Variants in FGF13 observed in about 807,000 individuals in gnomAD.
The protein encoded by FGF13 is fibroblast growth factor 13, also known as fibroblast growth factor homologous factor 2.
Under a neutral mutation model 19.5 loss-of-function variants are expected in FGF13, and 2 were observed. The observed-to-expected ratio is 0.10, with a 90% CI of 0.04 to 0.32. The LOEUF is 0.32. Among genes scored for constraint, FGF13 ranks in the 10% least tolerant of loss-of-function variants. The pLI is 1.00. For missense variants in FGF13, 113 were observed against 192.7 expected (o/e 0.59, Z 2.45); for synonymous variants, 72 against 76.9 (o/e 0.94, Z 0.33).
intron 1 of FGF13, among the ~76,000 whole-genome samples, chrX:139,024,775 T>G (rs749349891): frequency 2.7e-5 from 3 of 111,771 alleles, no homozygotes; most frequent in Non-Finnish European, 1.9e-5. Context: ...CTCCTGCCAT[T>G]GCAGGATCAG....
intron 1 of FGF13, among the ~76,000 whole-genome samples, chrX:139,107,667 T>C (rs774563932): frequency 1.8e-5 from 2 of 110,560 alleles, no homozygotes; most frequent in African/African-American, 6.6e-5. Flanking sequence ...CCCTCTTGGA[T>C]TATGAGACTA....
chrX:138,973,321 T>C (rs1458443122), intron 1 of FGF13, among the ~76,000 whole-genome samples: 2 of 112,391 alleles, frequency 1.8e-5, no homozygotes, highest in Non-Finnish European at 3.8e-5. Context: ...CTTCTCCTGT[T>C]ATTGATTTCT....
At chrX:138,633,351 G>A (rs2089142986) in intron 4 of FGF13, among the ~76,000 whole-genome samples, 1 of 111,382 alleles carries the variant, frequency 9.0e-6, no homozygotes, top group Admixed American at 9.5e-5. Context: ...ACTCAGTAGA[G>A]AGTGGACAGG....
At chrX:139,066,682 A>G (rs1307159013) in intron 1 of FGF13, among the ~76,000 whole-genome samples, 1 of 111,426 alleles carries the variant, frequency 9.0e-6, no homozygotes, top group Admixed American at 9.6e-5. Context: ...TTCACAGCCG[A>G]ATTCTACCAG....
At chrX:138,945,988 G>T (rs2091780064) in intron 1 of FGF13, among the ~76,000 whole-genome samples, 1 of 111,441 alleles carries the variant, frequency 9.0e-6, no homozygotes, top group African/African-American at 3.3e-5. Context: ...AAAAGTCAAT[G>T]TACTGAATTT....
At chrX:138,745,585 C>T (rs754285263) in intron 3 of FGF13, among the ~76,000 whole-genome samples, 12 of 112,170 alleles carry the variant, frequency 1.1e-4, no homozygotes, top group Middle Eastern at 4.6e-3. Context: ...TAGCATCTCG[C>T]GACAATAGGG....
intron 3 of FGF13, among the ~76,000 whole-genome samples, chrX:138,643,584 G>A (rs2089273071): frequency 8.9e-6 from 1 of 111,862 alleles, no homozygotes; most frequent in Admixed American, 9.5e-5. Context: ...GATTGTTTAG[G>A]CAATCCAATT....
chrX:138,942,026 T>C (rs977979593), intron 1 of FGF13, among the ~76,000 whole-genome samples: 19 of 112,347 alleles, frequency 1.7e-4, no homozygotes, highest in Non-Finnish European at 2.6e-4. Context: ...ACAGAGTCTA[T>C]AGTCCCAGCC....
intron 1 of FGF13, among the ~76,000 whole-genome samples, chrX:139,161,851 G>A (rs1008896245): frequency 8.9e-6 from 1 of 111,833 alleles, no homozygotes; most frequent in African/African-American, 3.3e-5. Context: ...AAAGGGATGT[G>A]AAGGACCTCT....
At chrX:139,048,597 T>C (rs1445263214) in intron 1 of FGF13, among the ~76,000 whole-genome samples, 2 of 107,658 alleles carry the variant, frequency 1.9e-5, no homozygotes, top group Non-Finnish European at 3.8e-5. Context: ...TACAATGTTG[T>C]GATTAATCTC....
chrX:138,674,212 T>C (rs1483873870), intron 3 of FGF13, among the ~76,000 whole-genome samples: 1 of 111,068 alleles, frequency 9.0e-6, no homozygotes, highest in East Asian at 2.9e-4. Context: ...TATATGGGAA[T>C]ACACTTAAAT....
intron 3 of FGF13, among the ~76,000 whole-genome samples, chrX:138,786,374 T>C (rs1247177310): frequency 9.0e-6 from 1 of 111,658 alleles, no homozygotes; most frequent in Non-Finnish European, 1.9e-5. Context: ...CCACTCTGTA[T>C]CTGCACCTGA....
rs763429908 is a variant in FGF13, at chrX:138,979,403, CT to C, written c.-112-114754del. 3.9e-3 allele frequency among the ~76,000 whole-genome samples: 401 copies of C among 102,281 alleles called. 1 individual carries two copies. Among genetic ancestry groups the C allele is most frequent in the Non-Finnish European group, 5.7e-3 (280 of 49,523 alleles). 88.8% of individuals were successfully genotyped at this position (102,281 alleles called of 115,157 possible). A position where few individuals can be genotyped will look rare whatever the true frequency, so the allele number is the denominator to read the frequency against. The stretch of plus-strand genomic sequence containing the variant: ...AGGAGTAGATAAGATCAGAGATTTT[CT>C]TTTTTTTTTTATATTATTATTATAC... On this transcript the variant is annotated intron_variant, in intron 1 of 2. Coordinates refer to the FGF13 transcript ENST00000421460.
chrX:138,997,205 T>C (rs1465273247), intron 1 of FGF13, among the ~76,000 whole-genome samples: 3 of 112,132 alleles, frequency 2.7e-5, no homozygotes, highest in African/African-American at 9.7e-5. Flanking sequence ...CAAAGGTAGA[T>C]GAAACCACAA....
chrX:139,065,208 C>T lies in FGF13; in HGVS notation c.-113+138208G>A, dbSNP rs745897629. 2.7e-5 allele frequency among the ~76,000 whole-genome samples: 3 copies of T among 111,132 alleles called. No homozygotes were observed. In the Admixed American group the frequency reaches 2.9e-4, roughly 11 times the overall value. ...CCAGCCACTACAAAAACATACCAAA[C>T]TGTAAAGATCATTGACACTATGAAG... On this transcript the variant is annotated intron_variant, in intron 1 of 2. Coordinates refer to the FGF13 transcript ENST00000421460.
intron 1 of FGF13, among the ~76,000 whole-genome samples, chrX:138,883,503 G>A (rs2091438140): frequency 9.0e-6 from 1 of 111,563 alleles, no homozygotes; most frequent in Non-Finnish European, 1.9e-5. Flanking sequence ...TGGAAGGCAT[G>A]CCACCACGAA....
intron 1 of FGF13, among the ~76,000 whole-genome samples, chrX:138,957,955 A>G (rs1272643336): frequency 9.8e-5 from 11 of 112,156 alleles, no homozygotes; most frequent in African/African-American, 3.2e-4. Context: ...TAAATATCCA[A>G]TCATGTCATC....
chrX:139,087,126 G>A (rs1458230574), intron 1 of FGF13, among the ~76,000 whole-genome samples: 11 of 111,557 alleles, frequency 9.9e-5, no homozygotes, highest in African/African-American at 3.6e-4. Context: ...GAGAAACCCC[G>A]TCTCTAGTAA....
intron 3 of FGF13, among the ~76,000 whole-genome samples, chrX:138,744,686 G>T (rs188903581): frequency 9.0e-6 from 1 of 111,156 alleles, no homozygotes; most frequent in Non-Finnish European, 1.9e-5. Flanking sequence ...AATGTATCAG[G>T]ACCTTTGTCA....
Sources: gnomAD v4.1 joint callset for allele counts (sites outside exome capture counted in the v4.1 genomes callset) on GRCh38, gnomAD v4.1.1 for gene constraint, MANE v1.5 for transcripts, NCBI Gene and HGNC (gene_info 2026-07-23, HGNC 2026-07-21) for gene names.